The following FRMD4B variants were observed in gnomAD, a reference collection of about 807,000 sequenced individuals.
FRMD4B encodes FERM domain-containing protein 4B.
FRMD4B carries 74 observed loss-of-function variants against 141.5 expected under a neutral mutation model. The observed-to-expected ratio is 0.52, with a 90% confidence interval of 0.43 to 0.63. The LOEUF (loss-of-function observed/expected upper bound fraction) is 0.63. FRMD4B is among the 30% of genes least tolerant of loss of function. FRMD4B has a pLI of 0.00. For synonymous variants in FRMD4B, 506 were observed against 467.9 expected (o/e 1.08, Z -1.05); for missense variants, 1,366 against 1,253.4 (o/e 1.09, Z -1.36).
intron 11 of FRMD4B, among the ~76,000 whole-genome samples, chr3:69,206,977 A>G (rs1024416139): frequency 6.6e-6 from 1 of 152,178 alleles, no homozygotes; most frequent in Admixed American, 6.5e-5. Context: ...AAAAAGTCCC[A>G]AACCAGCCAA....
intron 1 of FRMD4B, among the ~76,000 whole-genome samples, chr3:69,333,377 C>T (rs772988636): frequency 4.6e-5 from 7 of 152,046 alleles, no homozygotes; most frequent in Admixed American, 3.3e-4. Flanking sequence ...GTGGTGCAGA[C>T]GGGGATGAAA....
intron 19 of FRMD4B, among the ~76,000 whole-genome samples, chr3:69,187,122 A>G (rs1279990542): frequency 6.6e-6 from 1 of 152,230 alleles, no homozygotes; most frequent in African/African-American, 2.4e-5. Context: ...TCCTTAGACC[A>G]GTGACTATAA....
At chr3:69,410,242 A>C (rs9846189) in intron 2 of FRMD4B, among the ~76,000 whole-genome samples, 2 of 151,950 alleles carry the variant, frequency 1.3e-5, no homozygotes, top group Admixed American at 6.5e-5. Context: ...GGCCAATTTC[A>C]AGTTCCAAAA....
intron 22 of FRMD4B, among the ~76,000 whole-genome samples, chr3:69,174,347 A>G (rs1441274464): frequency 3.3e-5 from 5 of 152,230 alleles, no homozygotes; most frequent in Admixed American, 3.3e-4. Context: ...AAGTTTTTAA[A>G]AAAATGGAGA....
intron 1 of FRMD4B, among the ~76,000 whole-genome samples, chr3:69,454,248 C>T (rs996843019): frequency 6.6e-6 from 1 of 152,250 alleles, no homozygotes; most frequent in African/African-American, 2.4e-5. Flanking sequence ...ACCCAACTAA[C>T]AGCAAGTAGG....
chr3:69,180,917 C>A lies in FRMD4B; in HGVS notation c.2833G>T (p.Ala945Ser), dbSNP rs867213130. 2 of 1,606,600 alleles carry A rather than the reference C, an allele frequency of 1.2e-6. No homozygotes were observed. Among genetic ancestry groups the A allele is most frequent in the Non-Finnish European group, 8.5e-7 (1 of 1,174,292 alleles). Residue 945 changes from alanine to serine, a missense_variant, in exon 21 of 23, where the codon GCA becomes TCA. Coordinates refer to ENST00000398540, the MANE Select transcript of FRMD4B (RefSeq NM_015123.3). ...TTCTCACCTGAAGAGTACGAGGATG[C>A]ACGACTGCTTGGAGAACAAGGTACT... ...LQVPCSPSSR[A>S]SSYSSVSSTN... is the part of the protein sequence containing the mutation.
chr3:69,447,737 T>C (rs62252286), intron 1 of FRMD4B, among the ~76,000 whole-genome samples: 11,817 of 152,282 alleles, frequency 0.078, 620 homozygotes, highest in Non-Finnish European at 0.12. Context: ...ACCACTGATC[T>C]GCTCTCTGAC....
rs35722371 is a variant in FRMD4B, at chr3:69,169,097, TTAAC to T, written c.*2760_*2763del. 0.84 allele frequency among the ~76,000 whole-genome samples: 127,311 copies of T among 151,744 alleles called. 56,222 individuals are homozygous for T. The highest frequency in any genetic ancestry group is 0.99 in the Non-Finnish European group (67,215 of 67,968). On this transcript the variant is annotated 3_prime_UTR_variant, in exon 23 of 23. Coordinates refer to ENST00000398540, the MANE Select transcript of FRMD4B (RefSeq NM_015123.3). ...AAAATCCAAACAAATATACAATAAA[TTAAC>T]TATTATATCTGAGAGTGTTCGGCTA... is the stretch of plus-strand genomic sequence containing the variant.
At chr3:69,230,795 C>G (rs1263959017) in intron 7 of FRMD4B, among the ~76,000 whole-genome samples, 1 of 151,594 alleles carries the variant, frequency 6.6e-6, no homozygotes, top group Non-Finnish European at 1.5e-5. Context: ...AAAAGAACAA[C>G]TCAAATATCC....
chr3:69,354,374 G>T (rs913131634), intron 1 of FRMD4B, among the ~76,000 whole-genome samples: 2 of 152,180 alleles, frequency 1.3e-5, no homozygotes, highest in East Asian at 1.9e-4. Context: ...CTAAGTAAAA[G>T]TTTGTGACAG....
intron 2 of FRMD4B, among the ~76,000 whole-genome samples, chr3:69,391,820 G>A (rs1307905687): frequency 6.6e-6 from 1 of 152,186 alleles, no homozygotes; most frequent in Non-Finnish European, 1.5e-5. Flanking sequence ...CCATGCACTG[G>A]AAGGCATTTA....
In FRMD4B at chr3:69,398,353, G is replaced by T. The variant is rs558644138; in HGVS notation, c.-1+34281C>A. ...TTACAATGTGTAGTGATCAGATGAG[G>T]GTGATTAGCATATCCATCATGTAAA... On this transcript the variant is annotated intron_variant, in intron 2 of 5. Transcript: ENST00000459638. Among the ~76,000 whole-genome samples the T allele has an allele frequency of 4.6e-5, 7 of 152,190 alleles. No individual in the cohort carries two copies. In the East Asian group the frequency reaches 1.4e-3, roughly 29 times the overall value.
intron 1 of FRMD4B, among the ~76,000 whole-genome samples, chr3:69,480,983 C>T (rs935961854): frequency 1.2e-4 from 18 of 152,154 alleles, no homozygotes; most frequent in East Asian, 3.9e-4. Flanking sequence ...TAGCAATCAG[C>T]GAGACTCCGT....
intron 5 of FRMD4B, among the ~76,000 whole-genome samples, chr3:69,253,629 G>C (rs2093476594): frequency 6.6e-6 from 1 of 152,136 alleles, no homozygotes; most frequent in Non-Finnish European, 1.5e-5. Flanking sequence ...GGACACCTCA[G>C]TTTGTTTCCA....
intron 1 of FRMD4B, among the ~76,000 whole-genome samples, chr3:69,497,769 G>A (rs1706426650): frequency 6.6e-6 from 1 of 152,002 alleles, no homozygotes; most frequent in African/African-American, 2.4e-5. Flanking sequence ...GAGTGCAATG[G>A]TTCTTCACAG....
intron 2 of FRMD4B, among the ~76,000 whole-genome samples, chr3:69,412,491 T>C (rs2106784670): frequency 6.6e-6 from 1 of 152,240 alleles, no homozygotes; most frequent in South Asian, 2.1e-4. Context: ...GAAGAAGAGA[T>C]AAAGGTGGAA....
upstream of FRMD4B, among the ~76,000 whole-genome samples, chr3:69,389,034 T>A (rs1704327095): frequency 4.7e-5 from 1 of 21,086 alleles, no homozygotes; most frequent in African/African-American, 1.1e-4. Flanking sequence ...TTAGTCTACT[T>A]TTTTTTTTTT....
chr3:69,267,618 TATATATATATATATATATAGAGAGAG>T (rs2093571129), intron 5 of FRMD4B, among the ~76,000 whole-genome samples: 369 of 56,566 alleles, frequency 6.5e-3, no homozygotes, highest in Middle Eastern at 0.018. Context: ...TATATATATA[TATATATATATATATATATAGAGAGAG>T]AGAGAGAGAG....
intron 1 of FRMD4B, among the ~76,000 whole-genome samples, chr3:69,366,060 AACACACACACAC>A (rs4063529): frequency 3.9e-4 from 49 of 127,186 alleles, no homozygotes; most frequent in Admixed American, 6.5e-4. Context: ...ACCTCTACAA[AACACACACACAC>A]ACACACACAC....
Sources: gnomAD v4.1 joint callset for allele counts (sites outside exome capture counted in the v4.1 genomes callset) on GRCh38, gnomAD v4.1.1 for gene constraint, MANE v1.5 for transcripts, NCBI Gene and HGNC (gene_info 2026-07-23, HGNC 2026-07-21) for gene names.